HLA-F: variants seen among roughly 807,000 people sequenced by gnomAD.
HLA-F encodes HLA class I histocompatibility antigen, alpha chain F.
HLA-F carries 46 observed loss-of-function variants against 49.5 expected under a neutral mutation model. That is an observed-to-expected ratio of 0.93 (90% CI 0.73 to 1.19). HLA-F has a LOEUF of 1.19. HLA-F is among the 50% of genes most tolerant of loss of function. The pLI is 0.00. For synonymous variants in HLA-F, 203 were observed against 233.5 expected, an observed-to-expected ratio of 0.87 and a Z score of 1.19; for missense variants, 496 against 579.6, an observed-to-expected ratio of 0.86 and a Z score of 1.48.
rs77329802 is a variant in HLA-F at position 29,723,799 on chromosome 6, G to C, written c.206G>C (p.Arg69Pro). 151 of 1,606,806 alleles carry C rather than the reference G, an allele frequency of 9.4e-5. No homozygotes were observed. The East Asian group carries it at 3.3e-3, about 35-fold the overall frequency. ...SDAAIPRMEP[R>P]EPWVEQEGPQ... ...GCCGCGATTCCGAGGATGGAGCCGC[G>C]GGAGCCGTGGGTGGAGCAAGAGGGG... is the stretch of plus-strand genomic sequence containing the variant. Residue 69 changes from arginine to proline, a missense_variant, in exon 2 of 7, where the codon CGG (arginine) becomes CCG (proline). Transcript: ENST00000259951.
chr6:29,726,295 G>T, intron 6 of HLA-F: 1 of 1,196,262 alleles, frequency 8.4e-7, no homozygotes, highest in Non-Finnish European at 1.3e-6. Flanking sequence ...ACTCAGCTGT[G>T]CTATTGGGTT....
At chr6:29,724,984 T>C (rs769262555) in intron 3 of HLA-F, 47 bp from the exon 4 acceptor site, 35 of 1,587,528 alleles carry the variant, frequency 2.2e-5, no homozygotes, top group Non-Finnish European at 3.0e-5. Flanking sequence ...GCTGCTGGGG[T>C]TTCCCATGAG....
At chr6:29,737,234 A>C (rs1243011770) in intron 3 of HLA-F, among the ~76,000 whole-genome samples, 8 of 150,928 alleles carry the variant, frequency 5.3e-5, no homozygotes, top group Admixed American at 6.6e-5. Flanking sequence ...AAAAAAAAAA[A>C]AAAAAAACCC....
In HLA-F at chr6:29,725,975, C is replaced by T. The variant is rs201161652; in HGVS notation, c.1004-36C>T. Reference sequence around the variant, plus strand: ...CTCTAGGACCTTATGGCCCTGCCTCCTTTCTGGCCTCTCACAGGACATTTT... The same window carrying T: ...CTCTAGGACCTTATGGCCCTGCCTCTTTTCTGGCCTCTCACAGGACATTTT... On this transcript the variant is annotated intron_variant, in intron 5 of 6. Transcript: ENST00000259951. 7 of 1,613,444 alleles carry T rather than the reference C, an allele frequency of 4.3e-6. No individual in the cohort carries two copies. In the African/African-American group the frequency reaches 8.0e-5, roughly 18 times the overall value.
At chr6:29,736,185 C>T (rs1028890189) in intron 3 of HLA-F, 1 of 337,884 alleles carries the variant, frequency 3.0e-6, no homozygotes, top group Non-Finnish European at 5.7e-6. Context: ...TGAGCCACTG[C>T]CCATGACTCA....
In HLA-F at chr6:29,725,565, T is replaced by A; in HGVS notation, c.1003+2T>A. On this transcript the variant is annotated splice_donor_variant, in intron 5 of 6. Coordinates refer to ENST00000259951, the MANE Select transcript of HLA-F (RefSeq NM_001098479.2). LOFTEE classifies it high-confidence loss of function. Reference sequence around the variant, plus strand: ...TGATGTGGAGGAAGAAGAGCTCAGGTAGGAAGGGGTGAGGAGTGGAGTCTG... The same window carrying A: ...TGATGTGGAGGAAGAAGAGCTCAGGAAGGAAGGGGTGAGGAGTGGAGTCTG... 1 of 1,612,124 alleles carries A rather than the reference T, an allele frequency of 6.2e-7. No individual in the cohort carries two copies. Among genetic ancestry groups the A allele is most frequent in the Non-Finnish European group, 8.5e-7 (1 of 1,178,400 alleles).
intron 1 of HLA-F, 59 bp from the exon 2 acceptor site, chr6:29,723,599 A>G: frequency 6.3e-7 from 1 of 1,599,370 alleles, no homozygotes; most frequent in Non-Finnish European, 8.5e-7. Flanking sequence ...GGGGCGCAGG[A>G]CTCAGGGAGC....
chr6:29,725,996 A>G lies in HLA-F; in HGVS notation c.1004-15A>G. The G allele has an allele frequency of 1.2e-6, 2 of 1,613,990 alleles. No homozygotes were observed. Among genetic ancestry groups the G allele is most frequent in the East Asian group, 4.5e-5 (2 of 44,880 alleles). ...CCTCCTTTCTGGCCTCTCACAGGAC[A>G]TTTTCTTCCCATAGATAGAAACAGA... On this transcript the variant is annotated splice_polypyrimidine_tract_variant and intron_variant, in intron 5 of 6. Transcript: ENST00000259951.
At chr6:29,737,657 C>G (rs1329390106) in intron 3 of HLA-F, 1 of 152,076 alleles carries the variant, frequency 6.6e-6, no homozygotes, top group African/African-American at 2.4e-5. Flanking sequence ...TTTTATGGTA[C>G]CCGTGGGGTT....
chr6:29,735,675 T>C (rs1251227658), intron 3 of HLA-F: 1 of 152,074 alleles, frequency 6.6e-6, no homozygotes. Flanking sequence ...CTGCTTAAAA[T>C]TTGTCAAGTT....
At position 29,726,178 on chromosome 6, in the gene HLA-F, A is replaced by G. The variant is rs766783140; in HGVS notation, c.1036+135A>G. On this transcript the variant is annotated intron_variant, in intron 6 of 6. Transcript: ENST00000259951. Reference sequence around the variant, plus strand: ...CAGGTCCTGTTTTTGTTCTACCCCAATCACTGACAGTGCCCAGGGCTCTGG... The same window carrying G: ...CAGGTCCTGTTTTTGTTCTACCCCAGTCACTGACAGTGCCCAGGGCTCTGG... 15 of 1,002,540 alleles carry G rather than the reference A, an allele frequency of 1.5e-5. No homozygotes were observed. In the South Asian group the frequency reaches 1.8e-4, roughly 12 times the overall value. 62.1% of individuals were successfully genotyped at this position (1,002,540 alleles called of 1,614,324 possible). A position where few individuals can be genotyped will look rare whatever the true frequency, so the allele number is the denominator to read the frequency against.
At chr6:29,731,278 T>TAGAGAGAG (rs1554229368), downstream of HLA-F, among the ~76,000 whole-genome samples, 2 of 151,042 alleles carry the variant, frequency 1.3e-5, no homozygotes, top group Admixed American at 6.6e-5. Context: ...GATAGATAGA[T>TAGAGAGAG]AGACAAGAGG....
Position 29,723,529 on chromosome 6 carries a change from T to G in HLA-F, c.64+2T>G, listed in dbSNP as rs1583250957. Reference sequence around the variant, plus strand: ...TGGCCCTGACCGATACTTGGGCGGGTGAGTGCGGGGTCCAGAGAGAAACGG... The same window carrying G: ...TGGCCCTGACCGATACTTGGGCGGGGGAGTGCGGGGTCCAGAGAGAAACGG... On this transcript the variant is annotated splice_donor_variant, in intron 1 of 6. Coordinates refer to ENST00000259951, the MANE Select transcript of HLA-F (RefSeq NM_001098479.2). LOFTEE classifies it high-confidence loss of function. 3 of 1,611,264 alleles carry G rather than the reference T, an allele frequency of 1.9e-6. No homozygotes were observed.
At chr6:29,737,187 A>G (rs1777173389) in intron 3 of HLA-F, among the ~76,000 whole-genome samples, 1 of 148,020 alleles carries the variant, frequency 6.8e-6, no homozygotes. Flanking sequence ...TCTTGATGAA[A>G]AACATGATAT....
At position 29,725,116 on chromosome 6, in the gene HLA-F, G is replaced by A. The variant is rs372957735; in HGVS notation, c.696G>A (p.Ala232=). Residue 232 remains alanine (A), a synonymous_variant, in exon 4 of 7, where the codon GCG becomes GCA. Coordinates refer to ENST00000259951, the MANE Select transcript of HLA-F (RefSeq NM_001098479.2). ...LRCWALGFYP[A]EITLTWQRDG... ...GCTGGGCCCTGGGCTTCTACCCTGC[G>A]GAGATCACGCTGACCTGGCAGCGGG... 96 of 1,614,074 alleles carry A rather than the reference G, an allele frequency of 5.9e-5. No individual in the cohort carries two copies. Among genetic ancestry groups the A allele is most frequent in the Non-Finnish European group, 7.6e-5 (90 of 1,179,982 alleles).
In HLA-F at chr6:29,725,445, A is replaced by G; in HGVS notation, c.887-2A>G. 2.5e-6 allele frequency: 4 copies of G among 1,613,686 alleles called. No homozygotes were observed. Among genetic ancestry groups the G allele is most frequent in the Non-Finnish European group, 3.4e-6 (4 of 1,179,702 alleles). ...GCCCCTCACCTTCCCTTCCTTTCCC[A>G]GAGCAGTCTCCCCAGCCCACCATCC... On this transcript the variant is annotated splice_acceptor_variant, in intron 4 of 6. Coordinates refer to ENST00000259951, the MANE Select transcript of HLA-F (RefSeq NM_001098479.2). LOFTEE classifies it high-confidence loss of function.
chr6:29,731,341 G>A (rs1776591600), downstream of HLA-F, among the ~76,000 whole-genome samples: 1 of 152,134 alleles, frequency 6.6e-6, no homozygotes, highest in South Asian at 2.1e-4. Context: ...TAAGATCCAT[G>A]AGAGGCCACC....
At chr6:29,727,822 G>A, downstream of HLA-F, 1 of 415,330 alleles carries the variant, frequency 2.4e-6, no homozygotes, top group Non-Finnish European at 4.7e-6. Flanking sequence ...ACGAGCTTTA[G>A]TTCCCCATAC....
Position 29,726,050 on chromosome 6 carries a change from T to G in HLA-F, c.1036+7T>G, listed in dbSNP as rs769777362. 2 of 1,612,996 alleles carry G rather than the reference T, an allele frequency of 1.2e-6. No individual in the cohort carries two copies. Among genetic ancestry groups the G allele is most frequent in the Non-Finnish European group, 1.7e-6 (2 of 1,179,050 alleles). On this transcript the variant is annotated splice_region_variant and intron_variant, in intron 6 of 6. Transcript: ENST00000259951. Reference sequence around the variant, plus strand: ...AGCTACTCTCAGGCTGCAGGTAAGATGAAGGAGGCTGATCCCTGAGATTGT... The same window carrying G: ...AGCTACTCTCAGGCTGCAGGTAAGAGGAAGGAGGCTGATCCCTGAGATTGT...
Sources: gnomAD v4.1 joint callset for allele counts (sites outside exome capture counted in the v4.1 genomes callset) on GRCh38, gnomAD v4.1.1 for gene constraint, MANE v1.5 for transcripts, NCBI Gene and HGNC (gene_info 2026-07-23, HGNC 2026-07-21) for gene names.